Variants in UNC5D observed in about 807,000 individuals in gnomAD.
UNC5D encodes unc-5 netrin receptor D.
A neutral mutation model predicts 105.4 loss-of-function variants in UNC5D; 39 were observed. The observed-to-expected ratio is 0.37, with a 90% CI of 0.29 to 0.48. The LOEUF (loss-of-function observed/expected upper bound fraction) is 0.48, where lower values mean the gene tolerates loss of function less well. Among genes scored for constraint, UNC5D ranks in the 20% least tolerant of loss-of-function variants. UNC5D has a pLI of 0.98. For synonymous variants in UNC5D, 452 were observed against 450.4 expected (o/e 1.00, Z -0.04); for missense variants, 991 against 1,202.4 (o/e 0.82, Z 2.60).
At chr8:35,789,830 G>A (rs1434686076) in intron 16 of UNC5D, among the ~76,000 whole-genome samples, 2 of 151,304 alleles carry the variant, frequency 1.3e-5, no homozygotes, top group African/African-American at 4.9e-5. Flanking sequence ...TGAAAAAATA[G>A]GAATGAGTGA....
intron 1 of UNC5D, among the ~76,000 whole-genome samples, chr8:35,377,635 C>T (rs1013598265): frequency 2.0e-5 from 3 of 152,082 alleles, no homozygotes; most frequent in Non-Finnish European, 4.4e-5. Flanking sequence ...CCCTTGTTCC[C>T]TAGTTTGTCT....
intron 14 of UNC5D, among the ~76,000 whole-genome samples, chr8:35,765,557 A>G (rs948315424): frequency 2.0e-5 from 3 of 152,216 alleles, no homozygotes; most frequent in African/African-American, 7.2e-5. Context: ...GTTCACAACA[A>G]TCTAAAGTCC....
chr8:35,305,164 G>T (rs1426308754), intron 1 of UNC5D, among the ~76,000 whole-genome samples: 2 of 152,062 alleles, frequency 1.3e-5, no homozygotes, highest in Non-Finnish European at 2.9e-5. Context: ...TGAAAGAGAG[G>T]TTATATTTGT....
chr8:35,630,332 A>G (rs1821960564), intron 4 of UNC5D, among the ~76,000 whole-genome samples: 1 of 152,202 alleles, frequency 6.6e-6, no homozygotes, highest in African/African-American at 2.4e-5. Context: ...GTGTATTATC[A>G]GGGATTATTA....
At chr8:35,381,043 AAG>A (rs1249836478) in intron 1 of UNC5D, among the ~76,000 whole-genome samples, 1 of 151,556 alleles carries the variant, frequency 6.6e-6, no homozygotes, top group South Asian at 2.1e-4. Context: ...GAGAGAGAGA[AAG>A]AGAGAGAGAG....
intron 4 of UNC5D, among the ~76,000 whole-genome samples, chr8:35,621,215 T>C (rs1482269371): frequency 2.0e-5 from 3 of 152,184 alleles, no homozygotes; most frequent in South Asian, 4.1e-4. Context: ...ACATTGGCTG[T>C]CATATAGCAG....
chr8:35,492,655 A>G (rs1161609573), intron 1 of UNC5D, among the ~76,000 whole-genome samples: 1 of 152,144 alleles, frequency 6.6e-6, no homozygotes, highest in Non-Finnish European at 1.5e-5. Context: ...GACTCAAAGA[A>G]GGGCCAGATG....
chr8:35,708,823 C>T lies in UNC5D; in HGVS notation c.1117+2862C>T, dbSNP rs568692212. ...AGTTAATAGTTCTAGAGCCAGCTAC[C>T]TCCAGGATATCTTCAGTTGAATATG... is the stretch of plus-strand genomic sequence containing the variant. On this transcript the variant is annotated intron_variant, in intron 8 of 16. Transcript: ENST00000404895. Among the ~76,000 whole-genome samples the T allele has an allele frequency of 2.6e-5, 4 of 152,270 alleles. No individual in the cohort carries two copies. In the East Asian group the frequency reaches 7.7e-4, roughly 29 times the overall value.
chr8:35,596,829 G>A (rs1819518932), intron 4 of UNC5D, among the ~76,000 whole-genome samples: 2 of 152,168 alleles, frequency 1.3e-5, no homozygotes, highest in African/African-American at 4.8e-5. Flanking sequence ...GAGCAGAGGG[G>A]TGACTTTGAA....
At chr8:35,610,254 T>TCTAA (rs1219488047) in intron 4 of UNC5D, among the ~76,000 whole-genome samples, 1 of 152,100 alleles carries the variant, frequency 6.6e-6, no homozygotes, top group Non-Finnish European at 1.5e-5. Flanking sequence ...CTGTCCTTTC[T>TCTAA]CTAATCGTTT....
intron 7 of UNC5D, among the ~76,000 whole-genome samples, chr8:35,695,229 A>G (rs2131391812): frequency 6.6e-6 from 1 of 152,292 alleles, no homozygotes; most frequent in East Asian, 1.9e-4. Flanking sequence ...TCTGATAAGT[A>G]GCTGAATGAA....
At chr8:35,245,193 C>T (rs75231040) in intron 1 of UNC5D, among the ~76,000 whole-genome samples, 5 of 151,860 alleles carry the variant, frequency 3.3e-5, no homozygotes, top group Non-Finnish European at 7.4e-5. Flanking sequence ...GATTTGTGTT[C>T]GAAAGCAGTT....
intron 1 of UNC5D, among the ~76,000 whole-genome samples, chr8:35,248,079 A>AT (rs1255728584): frequency 1.9e-3 from 137 of 71,546 alleles, no homozygotes; most frequent in Admixed American, 3.2e-3. Flanking sequence ...TATATATAAA[A>AT]AATATAATAT....
intron 1 of UNC5D, among the ~76,000 whole-genome samples, chr8:35,285,658 T>C (rs568505929): frequency 1.4e-4 from 21 of 152,342 alleles, no homozygotes; most frequent in African/African-American, 4.8e-4. Flanking sequence ...TAATCACTGC[T>C]GTATACAGGT....
At chr8:35,737,414 T>C (rs1829533482) in intron 11 of UNC5D, among the ~76,000 whole-genome samples, 1 of 151,710 alleles carries the variant, frequency 6.6e-6, no homozygotes, top group African/African-American at 2.4e-5. Flanking sequence ...TTTGTGATAA[T>C]AGTTGCTCTG....
chr8:35,292,432 G>A (rs1807139354), intron 1 of UNC5D, among the ~76,000 whole-genome samples: 1 of 152,160 alleles, frequency 6.6e-6, no homozygotes, highest in South Asian at 2.1e-4. Context: ...ATTTCTAGCA[G>A]AAAAATTTTG....
intron 1 of UNC5D, among the ~76,000 whole-genome samples, chr8:35,479,539 A>G (rs1156481664): frequency 6.6e-6 from 1 of 152,200 alleles, no homozygotes; most frequent in Non-Finnish European, 1.5e-5. Context: ...GGATCAACCA[A>G]GATGCCCATC....
chr8:35,664,349 C>T (rs1264302796), intron 4 of UNC5D, among the ~76,000 whole-genome samples: 4 of 152,026 alleles, frequency 2.6e-5, no homozygotes, highest in African/African-American at 9.7e-5. Flanking sequence ...GTCCAATTGC[C>T]TAAGTCAATA....
At chr8:35,516,973 A>G (rs1311009618) in intron 1 of UNC5D, among the ~76,000 whole-genome samples, 1 of 152,194 alleles carries the variant, frequency 6.6e-6, no homozygotes, top group Admixed American at 6.5e-5. Context: ...GTCTTATTTG[A>G]GGTCATGCTG....
Sources: allele counts gnomAD v4.1 joint callset (sites outside exome capture counted in the v4.1 genomes callset), GRCh38; gene constraint gnomAD v4.1.1; transcripts MANE v1.5; gene names NCBI Gene and HGNC (gene_info 2026-07-23, HGNC 2026-07-21).